PHF21B: variants seen among roughly 807,000 people sequenced by gnomAD.
The protein encoded by PHF21B is PHD finger protein 21B.
PHF21B carries 22 observed loss-of-function variants against 62.2 expected under a neutral mutation model. That is an observed-to-expected ratio of 0.35 (90% confidence interval 0.25 to 0.51). The LOEUF (loss-of-function observed/expected upper bound fraction) is 0.51. PHF21B is among the 20% of genes least tolerant of loss of function. The pLI is 0.97. For synonymous variants in PHF21B, 341 were observed against 314.7 expected (o/e 1.08, Z -0.88); for missense variants, 701 against 707.9 (o/e 0.99, Z 0.11).
At chr22:44,943,084 G>A (rs923746815) in intron 2 of PHF21B, among the ~76,000 whole-genome samples, 3 of 149,370 alleles carry the variant, frequency 2.0e-5, no homozygotes, top group South Asian at 4.2e-4. Context: ...GCTCAGCACC[G>A]CCTCTGCCCC....
chr22:44,899,057 T>G lies in PHF21B; in HGVS notation c.832-2974A>C, dbSNP rs1405515379. 2.6e-5 allele frequency among the ~76,000 whole-genome samples: 4 copies of G among 152,320 alleles called. No individual in the cohort carries two copies. In the East Asian group the frequency reaches 5.8e-4, roughly 22 times the overall value. Reference sequence around the variant, plus strand: ...CAAGGCTTTAGGGTCTATTTTAATATCCGGGAGGATTAGAATATCCCTTCA... The same window carrying G: ...CAAGGCTTTAGGGTCTATTTTAATAGCCGGGAGGATTAGAATATCCCTTCA... On this transcript the variant is annotated intron_variant, in intron 5 of 12. Coordinates refer to ENST00000313237, the MANE Select transcript of PHF21B (RefSeq NM_138415.5).
rs970266902 is a variant in PHF21B, at chr22:45,009,424, G to A, written c.54+72C>T. 2.1e-6 allele frequency: 3 copies of A among 1,418,932 alleles called. No individual in the cohort carries two copies. Among genetic ancestry groups the A allele is most frequent in the African/African-American group, 1.5e-5 (1 of 68,376 alleles). The allele number at this position is 1,418,932 out of a possible 1,614,324, so 87.9% of individuals were successfully genotyped here. A position where few individuals can be genotyped will look rare whatever the true frequency, so the allele number is the denominator to read the frequency against. ...CCAGAGACCCGGAAGAGAGGATGCT[G>A]GGCTCGGGTCCCCCGACCCCCTCAC... On this transcript the variant is annotated intron_variant, in intron 1 of 12. Transcript: ENST00000313237. The surrounding 1 kb of genome is among the most constrained non-coding windows in gnomAD (Gnocchi z 5.9).
At chr22:44,918,208 G>A (rs770078166) in intron 3 of PHF21B, among the ~76,000 whole-genome samples, 8 of 152,258 alleles carry the variant, frequency 5.3e-5, no homozygotes, top group African/African-American at 1.4e-4. Flanking sequence ...GAGGACTGGC[G>A]TGGGGGCGGA....
chr22:44,925,936 G>A (rs2071620796), intron 2 of PHF21B, among the ~76,000 whole-genome samples: 2 of 117,756 alleles, frequency 1.7e-5, no homozygotes, highest in African/African-American at 5.6e-5. Context: ...CCAGACTGTG[G>A]GGGCGGGAGG....
At chr22:44,894,309 C>T (rs1260094724) in intron 6 of PHF21B, among the ~76,000 whole-genome samples, 2 of 152,146 alleles carry the variant, frequency 1.3e-5, no homozygotes, top group East Asian at 3.9e-4. Flanking sequence ...ATGATCACGC[C>T]TATTAGGAAC....
At chr22:44,989,889 C>T (rs969479862) in intron 2 of PHF21B, among the ~76,000 whole-genome samples, 8 of 152,190 alleles carry the variant, frequency 5.3e-5, no homozygotes, top group East Asian at 1.9e-4. Context: ...GGATTACAGG[C>T]GTGAGCCACC....
intron 2 of PHF21B, among the ~76,000 whole-genome samples, chr22:44,956,517 G>A (rs2072300327): frequency 6.6e-6 from 1 of 152,226 alleles, no homozygotes; most frequent in African/African-American, 2.4e-5. Flanking sequence ...CATTGCAGGT[G>A]GCAATTTAGC....
At chr22:44,952,487 T>C (rs748972300) in intron 2 of PHF21B, among the ~76,000 whole-genome samples, 1 of 151,860 alleles carries the variant, frequency 6.6e-6, no homozygotes, top group Non-Finnish European at 1.5e-5. Context: ...ATCCTGGGGG[T>C]GGAGGGAGCA....
intron 2 of PHF21B, among the ~76,000 whole-genome samples, chr22:44,988,216 G>A (rs1382966183): frequency 6.6e-6 from 1 of 152,252 alleles, no homozygotes; most frequent in Non-Finnish European, 1.5e-5. Flanking sequence ...TGTAATCCCA[G>A]CACTTTGGGA....
At chr22:44,930,877 G>C (rs1217192170) in intron 2 of PHF21B, among the ~76,000 whole-genome samples, 1 of 152,246 alleles carries the variant, frequency 6.6e-6, no homozygotes, top group Non-Finnish European at 1.5e-5. Flanking sequence ...GCCAGGAACA[G>C]CTGTCCGGGG....
chr22:44,891,432 G>A, intron 7 of PHF21B, 72 bp from the exon 8 acceptor site: 1 of 1,548,038 alleles, frequency 6.5e-7, no homozygotes, highest in Non-Finnish European at 8.8e-7. Flanking sequence ...GTCACCCCAG[G>A]TCAGGACTCT....
At chr22:44,976,068 G>A (rs1052048027) in intron 2 of PHF21B, among the ~76,000 whole-genome samples, 1 of 152,196 alleles carries the variant, frequency 6.6e-6, no homozygotes, top group African/African-American at 2.4e-5. Flanking sequence ...CTACTCAGGA[G>A]GCTGAGGTGG....
chr22:44,895,642 G>T (rs1236312862), intron 6 of PHF21B, among the ~76,000 whole-genome samples: 2 of 152,180 alleles, frequency 1.3e-5, no homozygotes, highest in Non-Finnish European at 2.9e-5. Context: ...AGAAAGTGGT[G>T]GGACCGGGCA....
intron 5 of PHF21B, 30 bp downstream of exon 5, chr22:44,913,792 G>A: frequency 6.3e-7 from 1 of 1,599,994 alleles, no homozygotes; most frequent in Non-Finnish European, 8.5e-7. Flanking sequence ...ACTGAGCAGG[G>A]CCTGGGCCCT....
chr22:44,971,044 G>A (rs2072627135), intron 2 of PHF21B: 1 of 152,296 alleles, frequency 6.6e-6, no homozygotes, highest in Non-Finnish European at 1.5e-5. Flanking sequence ...AGTACCAGCA[G>A]AGCATGAGGA....
intron 2 of PHF21B, among the ~76,000 whole-genome samples, chr22:44,958,421 T>G (rs1266439989): frequency 6.6e-6 from 1 of 152,114 alleles, no homozygotes; most frequent in Non-Finnish European, 1.5e-5. Flanking sequence ...GTCCTTCGAT[T>G]AGGAATGTGC....
intron 2 of PHF21B, among the ~76,000 whole-genome samples, chr22:44,960,063 A>G (rs1036141980): frequency 1.3e-5 from 2 of 152,144 alleles, no homozygotes; most frequent in African/African-American, 4.8e-5. Flanking sequence ...CTAATGGCTG[A>G]AACCTGAGCA....
intron 2 of PHF21B, chr22:44,970,883 G>C (rs1380236402): frequency 6.6e-6 from 1 of 152,184 alleles, no homozygotes; most frequent in East Asian, 1.9e-4. Flanking sequence ...GAAAATGGGG[G>C]GTGGCTCTTC....
chr22:44,975,013 C>T (rs925750090), intron 2 of PHF21B, among the ~76,000 whole-genome samples: 2 of 152,152 alleles, frequency 1.3e-5, no homozygotes. Context: ...ATCCTCCTGT[C>T]GGTCTCTGTC....
Sources: gnomAD v4.1 joint callset for allele counts (sites outside exome capture counted in the v4.1 genomes callset) on GRCh38, gnomAD v4.1.1 for gene constraint, Gnocchi (gnomAD v3.1) non-coding constraint, MANE v1.5 for transcripts, NCBI Gene and HGNC (gene_info 2026-07-23, HGNC 2026-07-21) for gene names.